Variants in NR4A2 observed in about 807,000 individuals in gnomAD.
The protein encoded by NR4A2 is nuclear receptor subfamily 4 group A member 2.
In NR4A2, 1 loss-of-function variant was observed where a neutral mutation model predicts 50.5. The observed-to-expected ratio is 0.02, with a 90% CI of 0.01 to 0.09. The LOEUF (loss-of-function observed/expected upper bound fraction) is 0.09. Among genes scored for constraint, NR4A2 ranks in the 10% least tolerant of loss-of-function variants. NR4A2 has a pLI of 1.00. For missense variants in NR4A2, 613 were observed against 777.3 expected, an observed-to-expected ratio of 0.79 and a Z score of 2.51; for synonymous variants, 328 against 309.4, an observed-to-expected ratio of 1.06 and a Z score of -0.63.
rs1686879804 is a variant in NR4A2, at chr2:156,330,553, T to C, written c.-3+115A>G. 9.9e-6 allele frequency: 11 copies of C among 1,109,736 alleles called. No homozygotes were observed. In the Middle Eastern group the frequency reaches 1.5e-3, roughly 153 times the overall value. The allele number at this position is 1,109,736 out of a possible 1,614,324, so 68.7% of individuals were successfully genotyped here. A position where few individuals can be genotyped will look rare whatever the true frequency, so the allele number is the denominator to read the frequency against. On this transcript the variant is annotated intron_variant, in intron 2 of 7. Coordinates refer to ENST00000339562, the MANE Select transcript of NR4A2 (RefSeq NM_006186.4). ...GAAGTTGAATTTCACAATGAGAAAG[T>C]TGTTCCCGAAGGCGATGGGTCGGGC...
chr2:156,327,040 C>T, intron 5 of NR4A2, 120 bp from the exon 6 acceptor site: 1 of 893,252 alleles, frequency 1.1e-6, no homozygotes, highest in South Asian at 1.4e-5. Context: ...CTCTCTCTGA[C>T]CAGTAAGGAA....
chr2:156,326,445 T>TAATAA lies in NR4A2; in HGVS notation c.1362-122_1362-118dup. The TAATAA allele has an allele frequency of 9.7e-7, 1 of 1,028,318 alleles. No individual in the cohort carries two copies. The highest frequency in any genetic ancestry group is 1.3e-5 in the South Asian group (1 of 75,010). 63.7% of individuals were successfully genotyped at this position (1,028,318 alleles called of 1,614,324 possible). On this transcript the variant is annotated intron_variant, in intron 6 of 7. Transcript: ENST00000339562. The surrounding 1 kb of genome is among the most constrained non-coding windows in gnomAD (Gnocchi z 4.2). ...AAGAGTCACCTAATTACTGAAGAGTTAATAAAATGTAGACCAGTGGACCTT... is the reference window on the plus strand; with the variant it reads ...AAGAGTCACCTAATTACTGAAGAGTTAATAAAATAAAATGTAGACCAGTGGACCTT...
In NR4A2 at chr2:156,327,915, A is replaced by C. The variant is rs1287786802; in HGVS notation, c.1094T>G (p.Ile365Ser). Residue 365 changes from isoleucine (I) to serine (S), a missense_variant, in exon 5 of 8, where the codon ATC (isoleucine) becomes AGC (serine). Around this residue, in one of 4 missense-constraint regions of NR4A2, gnomAD observed 250 missense variants for 311.3 expected, o/e 0.80. Coordinates refer to ENST00000339562, the MANE Select transcript of NR4A2 (RefSeq NM_006186.4). ...GACATGGGCCCTGACGAGGGCACTG[A>C]TCAGACTCACCGGGGGCGAAGGGGG... ...PSPPSPPVSLISALVRAHVDS... is the reference protein window; with the variant it reads ...PSPPSPPVSLSSALVRAHVDS... 6.3e-7 allele frequency: 1 copy of C among 1,596,628 alleles called. No homozygotes were observed.
At position 156,328,064 on chromosome 2, in the gene NR4A2, C is replaced by T; in HGVS notation, c.995-50G>A. ...GCCGCTTTTCCGAGCCCAGGCCCAG[C>T]TGCTGCCTCGGTCCCTCCCCGGGGA... On this transcript the variant is annotated intron_variant, in intron 4 of 7. Coordinates refer to ENST00000339562, the MANE Select transcript of NR4A2 (RefSeq NM_006186.4). This position sits in a 1 kb window ranked among gnomAD's most constrained non-coding sequence, Gnocchi z 4.9. 1 of 1,574,310 alleles carries T rather than the reference C, an allele frequency of 6.4e-7. No homozygotes were observed. The highest frequency in any genetic ancestry group is 8.6e-7 in the Non-Finnish European group (1 of 1,158,234).
At position 156,327,939 on chromosome 2, in the gene NR4A2, G is replaced by A. The variant is rs1202219912; in HGVS notation, c.1070C>T (p.Pro357Leu). The change falls in exon 5 of 8, where the codon CCC becomes CTC. Residue 357 changes from proline to leucine, a missense_variant. By Grantham distance (98) the Pro-to-Leu change is moderately conservative (BLOSUM62 -3). This residue lies in a region of NR4A2 where 250 missense variants were observed against 311.3 expected (regional missense o/e 0.80). Coordinates refer to ENST00000339562, the MANE Select transcript of NR4A2 (RefSeq NM_006186.4). ...GATCAGACTCACCGGGGGCGAAGGG[G>A]GAGAGGGCTCCTGTGGGCTCTTCGG... is the stretch of plus-strand genomic sequence containing the variant. Reference protein sequence around the residue: ...SKPKSPQEPSPPSPPVSLISA... With the variant: ...SKPKSPQEPSLPSPPVSLISA... The A allele has an allele frequency of 6.3e-7, 1 of 1,597,632 alleles. No homozygotes were observed.
In NR4A2 at chr2:156,329,192, CG is replaced by C; in HGVS notation, c.864+130del. 1 of 1,345,098 alleles carries C rather than the reference CG, an allele frequency of 7.4e-7. No individual in the cohort carries two copies. The highest frequency in any genetic ancestry group is 1.0e-6 in the Non-Finnish European group (1 of 972,072). The allele number at this position is 1,345,098 out of a possible 1,614,324, so 83.3% of individuals were successfully genotyped here. ...ATGGTCTCCTGCAGGGCAGCTTCGG[CG>C]GACCCCGGAGAGCTGGGCAGTCCCG... is the stretch of plus-strand genomic sequence containing the variant. On this transcript the variant is annotated intron_variant, in intron 3 of 7. Coordinates refer to ENST00000339562, the MANE Select transcript of NR4A2 (RefSeq NM_006186.4). This position sits in a 1 kb window ranked among gnomAD's most constrained non-coding sequence, Gnocchi z 7.5.
At position 156,326,084 on chromosome 2, in the gene NR4A2, G is replaced by A. The variant is rs1686628936; in HGVS notation, c.1540+66C>T. On this transcript the variant is annotated intron_variant, in intron 7 of 7. Coordinates refer to ENST00000339562, the MANE Select transcript of NR4A2 (RefSeq NM_006186.4). This position sits in a 1 kb window ranked among gnomAD's most constrained non-coding sequence, Gnocchi z 4.2. ...AAAACCAAGGAGAATCTGTGACAAG[G>A]GAAACTCAGGACAAATCCTGCTAGG... 1 of 1,613,174 alleles carries A rather than the reference G, an allele frequency of 6.2e-7. No individual in the cohort carries two copies. The highest frequency in any genetic ancestry group is 1.3e-5 in the African/African-American group (1 of 74,904).
At chr2:156,332,390 G>A (rs1686973132) in intron 1 of NR4A2, 90 bp downstream of exon 1, 3 of 1,123,586 alleles carry the variant, frequency 2.7e-6, no homozygotes, top group South Asian at 2.6e-5. Context: ...CACTTCCAGA[G>A]AACCTGTCCC....
intron 5 of NR4A2, among the ~76,000 whole-genome samples, chr2:156,327,502 A>G (rs1218730839): frequency 1.3e-5 from 2 of 152,074 alleles, no homozygotes; most frequent in Non-Finnish European, 2.9e-5. Context: ...AATAAAGTAG[A>G]TTGGGAAGGG....
At position 156,332,578 on chromosome 2, in the gene NR4A2, T is replaced by G. The variant is rs2105626656; in HGVS notation, c.-225A>C. 9.1e-7 allele frequency: 1 copy of G among 1,099,796 alleles called. No individual in the cohort carries two copies. Among genetic ancestry groups the G allele is most frequent in the South Asian group, 1.3e-5 (1 of 77,130 alleles). The allele number at this position is 1,099,796 out of a possible 1,614,324, so 68.1% of individuals were successfully genotyped here. A position where few individuals can be genotyped will look rare whatever the true frequency, so the allele number is the denominator to read the frequency against. ...CGGGGTCGGGTAGGGGTGGGAGAGC[T>G]GGGCGAAGGGAACCCGGACACCTCA... On this transcript the variant is annotated 5_prime_UTR_variant, in exon 1 of 8. Transcript: ENST00000339562.
chr2:156,327,001 G>GAAAC, intron 5 of NR4A2, 81 bp from the exon 6 acceptor site: 1 of 1,324,404 alleles, frequency 7.6e-7, no homozygotes, highest in Non-Finnish European at 1.1e-6. Context: ...GTTTCTAATA[G>GAAAC]GGGAGCCAGG....
intron 1 of NR4A2, chr2:156,332,063 T>G (rs1050583512): frequency 1.0e-4 from 17 of 169,482 alleles, no homozygotes; most frequent in South Asian, 7.6e-4. Flanking sequence ...AAGCAACGCA[T>G]AAACTGAAGA....
In NR4A2 at chr2:156,328,121, G is replaced by T; in HGVS notation, c.995-107C>A. 5.6e-6 allele frequency: 8 copies of T among 1,437,240 alleles called. No individual in the cohort carries two copies. Among genetic ancestry groups the T allele is most frequent in the Non-Finnish European group, 9.5e-7 (1 of 1,047,760 alleles). 89.0% of individuals were successfully genotyped at this position (1,437,240 alleles called of 1,614,324 possible). On this transcript the variant is annotated intron_variant, in intron 4 of 7. Transcript: ENST00000339562. The surrounding 1 kb of genome is among the most constrained non-coding windows in gnomAD (Gnocchi z 4.9). ...CAGCCGCGGGGCACCAGGCTGAGCG[G>T]CTGAGGGCCCCAGTGCTTGTAAAGC... is the stretch of plus-strand genomic sequence containing the variant.
intron 1 of NR4A2, among the ~76,000 whole-genome samples, chr2:156,332,190 G>A (rs1573822662): frequency 6.6e-6 from 1 of 152,074 alleles, no homozygotes; most frequent in South Asian, 2.1e-4. Flanking sequence ...GCACATTTCC[G>A]CGGGCTAGTC....
rs1441083640 is a variant in NR4A2 at position 156,329,418 on chromosome 2, G to C, written c.769C>G (p.Pro257Ala). 1.2e-6 allele frequency: 2 copies of C among 1,610,150 alleles called. No individual in the cohort carries two copies. Among genetic ancestry groups the C allele is most frequent in the East Asian group, 2.2e-5 (1 of 44,824 alleles). ...ACAGCGCACAGCCCCTCGTTGGAGGGGGAGCCCCGCGACGGCGGTGAGGGC... is the reference window on the plus strand; with the variant it reads ...ACAGCGCACAGCCCCTCGTTGGAGGCGGAGCCCCGCGACGGCGGTGAGGGC... The part of the protein sequence containing the change: ...QVPSPPSRGS[P>A]SNEGLCAVCG... Residue 257 changes from proline (P) to alanine (A), a missense_variant, in exon 3 of 8, where the codon CCC (proline) becomes GCC (alanine). Transcript: ENST00000339562. This position sits in a 1 kb window ranked among gnomAD's most constrained non-coding sequence, Gnocchi z 7.5.
Position 156,326,489 on chromosome 2 carries a change from A to T in NR4A2, c.1362-161T>A, listed in dbSNP as rs958963765. Among the ~76,000 whole-genome samples, 2 of 152,200 alleles carry T rather than the reference A, an allele frequency of 1.3e-5. No individual in the cohort carries two copies. Among genetic ancestry groups the T allele is most frequent in the Non-Finnish European group, 2.9e-5 (2 of 68,038 alleles). On this transcript the variant is annotated intron_variant, in intron 6 of 7. Transcript: ENST00000339562. The surrounding 1 kb of genome is among the most constrained non-coding windows in gnomAD (Gnocchi z 4.2). ...GGACCTTGAAAGGGTTTAATTTCAT[A>T]ACAATCAAGAACGCCCCCTATCCCA... is the stretch of plus-strand genomic sequence containing the variant.
chr2:156,327,561 A>G (rs558356907), intron 5 of NR4A2, among the ~76,000 whole-genome samples: 1 of 151,904 alleles, frequency 6.6e-6, no homozygotes, highest in East Asian at 2.0e-4. Flanking sequence ...ACTGGTGTAT[A>G]TGGAAGAGGA....
intron 1 of NR4A2, 35 bp from the exon 2 acceptor site, chr2:156,330,826 TC>T: frequency 8.1e-7 from 1 of 1,239,724 alleles, no homozygotes; most frequent in Non-Finnish European, 1.0e-6. Flanking sequence ...CAGGGTTTCT[TC>T]CCGACAGAGA....
chr2:156,328,625 A>C lies in NR4A2; in HGVS notation c.865-92T>G. The C allele has an allele frequency of 6.8e-7, 1 of 1,472,308 alleles. No individual in the cohort carries two copies. The highest frequency in any genetic ancestry group is 9.5e-7 in the Non-Finnish European group (1 of 1,054,338). The allele number at this position is 1,472,308 out of a possible 1,614,324, so 91.2% of individuals were successfully genotyped here. The stretch of plus-strand genomic sequence containing the variant: ...AATTTCTGTTATGTGACTGGGGTCT[A>C]CGATTCCTCCCCACAAACAAACACA... On this transcript the variant is annotated intron_variant, in intron 3 of 7. Coordinates refer to ENST00000339562, the MANE Select transcript of NR4A2 (RefSeq NM_006186.4). The surrounding 1 kb of genome is among the most constrained non-coding windows in gnomAD (Gnocchi z 4.9).
Sources: allele counts gnomAD v4.1 joint callset (sites outside exome capture counted in the v4.1 genomes callset), GRCh38; gene constraint gnomAD v4.1.1; regional missense constraint gnomAD v4.1.1; non-coding constraint Gnocchi (gnomAD v3.1); transcripts MANE v1.5; gene names NCBI Gene and HGNC (gene_info 2026-07-23, HGNC 2026-07-21).